SLIT2: variants seen among roughly 807,000 people sequenced by gnomAD.
The protein encoded by SLIT2 is slit guidance ligand 2.
In SLIT2, 41 loss-of-function variants were observed where a neutral mutation model predicts 185.7. The ratio of observed to expected loss-of-function variants is 0.22; its 90% confidence interval spans 0.17 to 0.29. SLIT2 has a LOEUF of 0.29. Among genes scored for constraint, SLIT2 ranks in the 10% least tolerant of loss-of-function variants. The pLI is 1.00. For synonymous variants in SLIT2, 693 were observed against 680.2 expected, an observed-to-expected ratio of 1.02 and a Z score of -0.29; for missense variants, 1,571 against 1,909.0, an observed-to-expected ratio of 0.82 and a Z score of 3.30.
chr4:20,570,357 A>G (rs1163429993), intron 29 of SLIT2, among the ~76,000 whole-genome samples: 11 of 152,014 alleles, frequency 7.2e-5, no homozygotes, highest in African/African-American at 2.7e-4. Context: ...TTTCTAGAGT[A>G]TCTGGAAAGA....
chr4:20,543,474 G>A (rs1722993475), intron 21 of SLIT2, among the ~76,000 whole-genome samples: 1 of 152,126 alleles, frequency 6.6e-6, no homozygotes, highest in African/African-American at 2.4e-5. Context: ...ATACAATTGA[G>A]TCACTTTGCC....
intron 4 of SLIT2, among the ~76,000 whole-genome samples, chr4:20,299,032 G>T (rs1010777055): frequency 3.9e-5 from 6 of 152,024 alleles, no homozygotes; most frequent in African/African-American, 1.4e-4. Context: ...ATATGTTTTT[G>T]TATATTGCAA....
chr4:20,414,024 T>C (rs1317076711), intron 4 of SLIT2, among the ~76,000 whole-genome samples: 4 of 152,140 alleles, frequency 2.6e-5, no homozygotes, highest in African/African-American at 9.6e-5. Context: ...TCCATATGTT[T>C]TATGTGTTTT....
intron 4 of SLIT2, among the ~76,000 whole-genome samples, chr4:20,432,274 G>A (rs910593063): frequency 6.6e-6 from 1 of 152,052 alleles, no homozygotes; most frequent in African/African-American, 2.4e-5. Flanking sequence ...GGAAAATAAG[G>A]TTTGCAATCA....
At chr4:20,468,163 T>C (rs567306396) in intron 5 of SLIT2, among the ~76,000 whole-genome samples, 2 of 152,262 alleles carry the variant, frequency 1.3e-5, no homozygotes, top group South Asian at 4.1e-4. Context: ...CAGTTGCTGT[T>C]GGTGTTTATT....
chr4:20,569,821 C>A (rs1725419131), intron 29 of SLIT2, among the ~76,000 whole-genome samples: 1 of 152,006 alleles, frequency 6.6e-6, no homozygotes, highest in Non-Finnish European at 1.5e-5. Flanking sequence ...TTTTCATTTT[C>A]TGGGTGCATT....
At chr4:20,359,874 G>A (rs1456749193) in intron 4 of SLIT2, among the ~76,000 whole-genome samples, 3 of 152,010 alleles carry the variant, frequency 2.0e-5, no homozygotes, top group Non-Finnish European at 2.9e-5. Context: ...ATGGTGGGAG[G>A]GAGATGGCTT....
chr4:20,416,745 G>A (rs1469705707), intron 4 of SLIT2, among the ~76,000 whole-genome samples: 2 of 152,166 alleles, frequency 1.3e-5, no homozygotes, highest in Non-Finnish European at 2.9e-5. Flanking sequence ...ATTTAAGAAT[G>A]AGCTAAATTG....
At chr4:20,544,974 G>A (rs1232070198) in intron 21 of SLIT2, among the ~76,000 whole-genome samples, 2 of 152,092 alleles carry the variant, frequency 1.3e-5, no homozygotes, top group African/African-American at 4.8e-5. Context: ...TAGACATGAT[G>A]AGTCATAACA....
At chr4:20,256,968 C>G (rs1387712683) in intron 2 of SLIT2, among the ~76,000 whole-genome samples, 1 of 151,958 alleles carries the variant, frequency 6.6e-6, no homozygotes. Context: ...CCAGAAATGA[C>G]CTCAGATCTT....
chr4:20,506,943 A>G (rs1273006303), intron 9 of SLIT2, among the ~76,000 whole-genome samples: 2 of 151,998 alleles, frequency 1.3e-5, no homozygotes, highest in African/African-American at 2.4e-5. Context: ...CTCTGTTTCA[A>G]ATACTTTTTT....
intron 24 of SLIT2, among the ~76,000 whole-genome samples, chr4:20,550,443 T>C (rs1406760937): frequency 2.0e-5 from 3 of 151,996 alleles, no homozygotes; most frequent in Non-Finnish European, 4.4e-5. Context: ...CTATTTCTTA[T>C]ATGGAATATT....
chr4:20,284,942 G>C (rs1560283017), intron 4 of SLIT2, among the ~76,000 whole-genome samples: 1 of 152,234 alleles, frequency 6.6e-6, no homozygotes, highest in African/African-American at 2.4e-5. Context: ...CTAAGGGATA[G>C]CTTACATCAT....
intron 4 of SLIT2, among the ~76,000 whole-genome samples, chr4:20,425,231 A>C (rs934731293): frequency 6.6e-6 from 1 of 152,112 alleles, no homozygotes; most frequent in African/African-American, 2.4e-5. Flanking sequence ...TTTTTCACAA[A>C]GTTTTATGCT....
intron 4 of SLIT2, among the ~76,000 whole-genome samples, chr4:20,300,528 G>A (rs1350196273): frequency 2.0e-5 from 3 of 151,922 alleles, no homozygotes; most frequent in Non-Finnish European, 4.4e-5. Flanking sequence ...AGTTAGCTAC[G>A]TATCTATATA....
intron 12 of SLIT2, among the ~76,000 whole-genome samples, chr4:20,521,017 C>T (rs1180980308): frequency 6.6e-6 from 1 of 152,152 alleles, no homozygotes; most frequent in East Asian, 1.9e-4. Flanking sequence ...ATGCTGTAAC[C>T]AAGTATTGCC....
At chr4:20,516,239 T>C (rs896304383) in intron 11 of SLIT2, among the ~76,000 whole-genome samples, 8 of 152,280 alleles carry the variant, frequency 5.3e-5, no homozygotes, top group African/African-American at 1.4e-4. Context: ...GCCTTCCTTA[T>C]AGCAGCAGGT....
At chr4:20,591,928 T>C (rs531806776) in intron 30 of SLIT2, among the ~76,000 whole-genome samples, 1 of 152,140 alleles carries the variant, frequency 6.6e-6, no homozygotes, top group East Asian at 1.9e-4. Flanking sequence ...AATTAGACAC[T>C]CTTAAAAGTG....
At chr4:20,470,594 GA>G (rs1277820549) in intron 5 of SLIT2, among the ~76,000 whole-genome samples, 1 of 150,516 alleles carries the variant, frequency 6.6e-6, no homozygotes, top group African/African-American at 2.4e-5. Flanking sequence ...TTTGTTTTTT[GA>G]GACACAGTCT....
Sources: allele counts gnomAD v4.1 joint callset (sites outside exome capture counted in the v4.1 genomes callset), GRCh38; gene constraint gnomAD v4.1.1; transcripts MANE v1.5; gene names NCBI Gene and HGNC (gene_info 2026-07-23, HGNC 2026-07-21).